NRG2: variants seen among roughly 807,000 people sequenced by gnomAD.
NRG2 encodes the protein neuregulin 2.
Under a neutral mutation model 73.9 loss-of-function variants are expected in NRG2, and 27 were observed. The ratio of observed to expected loss-of-function variants is 0.37; its 90% CI spans 0.27 to 0.50. NRG2 has a LOEUF of 0.50. Ranked by LOEUF, NRG2 falls within the 20% of genes least tolerant of loss-of-function variation. The pLI, the probability that NRG2 is intolerant of heterozygous loss-of-function variation, is 0.96. For missense variants in NRG2, 1,126 were observed against 1,210.1 expected (o/e 0.93, Z 1.03); for synonymous variants, 532 against 541.0 (o/e 0.98, Z 0.23).
At chr5:140,002,388 C>T (rs1758557888) in intron 1 of NRG2, among the ~76,000 whole-genome samples, 1 of 151,938 alleles carries the variant, frequency 6.6e-6, no homozygotes, top group Non-Finnish European at 1.5e-5. Flanking sequence ...TATGGGGTTG[C>T]AATTTTAGAT....
At chr5:140,019,935 G>T (rs959023452) in intron 1 of NRG2, among the ~76,000 whole-genome samples, 1 of 152,110 alleles carries the variant, frequency 6.6e-6, no homozygotes, top group Non-Finnish European at 1.5e-5. Context: ...GCATTTTTTA[G>T]TAGAGACAGG....
chr5:139,853,411 C>T lies in NRG2; in HGVS notation c.1293-384G>A, dbSNP rs533283111. 7.9e-5 allele frequency among the ~76,000 whole-genome samples: 12 copies of T among 152,270 alleles called. No individual in the cohort carries two copies. The East Asian group carries it at 2.3e-3, about 29-fold the overall frequency. On this transcript the variant is annotated intron_variant, in intron 6 of 9. Coordinates refer to ENST00000361474, the MANE Select transcript of NRG2 (RefSeq NM_004883.3). The surrounding 1 kb of genome is among the most constrained non-coding windows in gnomAD (Gnocchi z 4.1). ...CACAGTGCTGACTCCCTCTCTCTCT[C>T]CCTCATTCATTAATTTGGTATGTAT...
rs947701574 is a variant in NRG2 at position 139,851,644 on chromosome 5, C to T, written c.1732G>A (p.Asp578Asn). Reference sequence around the variant, plus strand: ...GAGTCGCGAAGGGAGTCCACGGAATCGTGATAGGGTGGCGCGGTGGCCCTG... The same window carrying T: ...GAGTCGCGAAGGGAGTCCACGGAATTGTGATAGGGTGGCGCGGTGGCCCTG... Reference protein sequence around the residue: ...RRRATAPPYHDSVDSLRDSPH... With the variant: ...RRRATAPPYHNSVDSLRDSPH... The change falls in exon 9 of 10, where the codon GAT becomes AAT. Residue 578 changes from aspartate to asparagine, a missense_variant. Coordinates refer to ENST00000361474, the MANE Select transcript of NRG2 (RefSeq NM_004883.3). This position sits in a 1 kb window ranked among gnomAD's most constrained non-coding sequence, Gnocchi z 4.2. The T allele has an allele frequency of 5.0e-6, 8 of 1,614,090 alleles. No individual in the cohort carries two copies. The highest frequency in any genetic ancestry group is 4.0e-5 in the African/African-American group (3 of 75,062).
At chr5:140,018,531 T>C (rs968925664) in intron 1 of NRG2, among the ~76,000 whole-genome samples, 1 of 152,168 alleles carries the variant, frequency 6.6e-6, no homozygotes, top group African/African-American at 2.4e-5. Flanking sequence ...ACCTAACTGA[T>C]AGCTTCCAAA....
intron 1 of NRG2, among the ~76,000 whole-genome samples, chr5:140,019,938 G>C (rs1461839564): frequency 6.6e-6 from 1 of 152,092 alleles, no homozygotes; most frequent in African/African-American, 2.4e-5. Flanking sequence ...TTTTTTAGTA[G>C]AGACAGGGTT....
chr5:139,862,031 A>G (rs1347568489), intron 5 of NRG2, among the ~76,000 whole-genome samples: 1 of 152,206 alleles, frequency 6.6e-6, no homozygotes, highest in Non-Finnish European at 1.5e-5. Flanking sequence ...ATTAGGAGGC[A>G]GAAGGGAGAC....
At chr5:139,893,867 A>T (rs1401205948) in intron 1 of NRG2, among the ~76,000 whole-genome samples, 4 of 151,872 alleles carry the variant, frequency 2.6e-5, no homozygotes, top group Non-Finnish European at 5.9e-5. Context: ...ACTTTAGGAC[A>T]CCTCCCCATG....
At chr5:139,924,264 C>T (rs1000957481) in intron 1 of NRG2, among the ~76,000 whole-genome samples, 3 of 152,232 alleles carry the variant, frequency 2.0e-5, no homozygotes, top group Non-Finnish European at 4.4e-5. Context: ...CAGAACTGAA[C>T]TCTCTCACAA....
intron 1 of NRG2, among the ~76,000 whole-genome samples, chr5:139,960,428 T>C (rs532096809): frequency 6.6e-6 from 1 of 152,146 alleles, no homozygotes; most frequent in South Asian, 2.1e-4. Context: ...GGCAGGAGAA[T>C]CGCTGAAACC....
chr5:139,985,894 G>C (rs373065027), intron 1 of NRG2, among the ~76,000 whole-genome samples: 1 of 152,154 alleles, frequency 6.6e-6, no homozygotes, highest in Admixed American at 6.5e-5. Context: ...ACTGGGAGGA[G>C]AGGGGAAGTG....
In NRG2 at chr5:139,851,897, C is replaced by T. The variant is rs1561622830; in HGVS notation, c.1545-66G>A. The T allele has an allele frequency of 1.7e-5, 24 of 1,376,336 alleles. No individual in the cohort carries two copies. The South Asian group carries it at 1.8e-4, about 11-fold the overall frequency. 85.3% of individuals were successfully genotyped at this position (1,376,336 alleles called of 1,614,324 possible). A position where few individuals can be genotyped will look rare whatever the true frequency, so the allele number is the denominator to read the frequency against. On this transcript the variant is annotated intron_variant, in intron 8 of 9. Coordinates refer to ENST00000361474, the MANE Select transcript of NRG2 (RefSeq NM_004883.3). The surrounding 1 kb of genome is among the most constrained non-coding windows in gnomAD (Gnocchi z 4.2). ...GGCAGGGCGGCCCAGCAGGTGTGGT[C>T]CCATGGACCTCCCTGGCTCTTCTTC... is the stretch of plus-strand genomic sequence containing the variant.
chr5:139,994,709 G>A (rs539535058), intron 1 of NRG2, among the ~76,000 whole-genome samples: 4 of 152,184 alleles, frequency 2.6e-5, no homozygotes, highest in Non-Finnish European at 5.9e-5. Flanking sequence ...AGTGCTAAAA[G>A]AGTTGAGCTC....
At chr5:139,918,233 A>T (rs1751412245) in intron 1 of NRG2, among the ~76,000 whole-genome samples, 1 of 152,196 alleles carries the variant, frequency 6.6e-6, no homozygotes, top group Non-Finnish European at 1.5e-5. Flanking sequence ...CTAGGCTCGG[A>T]TAGAACTAGT....
chr5:139,927,883 C>T (rs1752183594), intron 1 of NRG2, among the ~76,000 whole-genome samples: 1 of 151,956 alleles, frequency 6.6e-6, no homozygotes, highest in Non-Finnish European at 1.5e-5. Flanking sequence ...AGGATTATTT[C>T]ACTGGCTTTG....
intron 1 of NRG2, among the ~76,000 whole-genome samples, chr5:139,916,312 A>C (rs73271462): frequency 0.038 from 5,785 of 152,300 alleles, 398 homozygotes; most frequent in African/African-American, 0.13. Context: ...TCCAGTCCTC[A>C]CTGCTCAACT....
rs1217450956 is a variant in NRG2 at position 139,961,990 on chromosome 5, G to A, written c.701-74479C>T. Among the ~76,000 whole-genome samples, 4 of 152,154 alleles carry A rather than the reference G, an allele frequency of 2.6e-5. No homozygotes were observed. In the East Asian group the frequency reaches 7.7e-4, roughly 29 times the overall value. ...GTGTCTCCTCTCCACTGAGGCTCTT[G>A]CTTTCCTGACCAGCACAGAGAGCTG... is the stretch of plus-strand genomic sequence containing the variant. On this transcript the variant is annotated intron_variant, in intron 1 of 9. Transcript: ENST00000361474.
intron 1 of NRG2, among the ~76,000 whole-genome samples, chr5:139,923,743 A>G (rs1009756952): frequency 2.6e-5 from 4 of 152,132 alleles, no homozygotes; most frequent in African/African-American, 4.8e-5. Flanking sequence ...TTTAATTCAT[A>G]AGGCCTGACA....
At position 139,904,060 on chromosome 5, in the gene NRG2, C is replaced by A. The variant is rs1283195264; in HGVS notation, c.701-16549G>T. Among the ~76,000 whole-genome samples the A allele has an allele frequency of 1.3e-5, 2 of 152,200 alleles. No individual in the cohort carries two copies. Among genetic ancestry groups the A allele is most frequent in the Admixed American group, 1.3e-4 (2 of 15,284 alleles). ...ACCGGCGTGCAGCGCCTCTTGCCCG[C>A]CCCTGCGTGGGGACGCGGCCGCCCG... On this transcript the variant is annotated intron_variant, in intron 1 of 9. Transcript: ENST00000361474. The surrounding 1 kb of genome is among the most constrained non-coding windows in gnomAD (Gnocchi z 6.0).
At chr5:139,901,386 A>G (rs2127169116) in intron 1 of NRG2, among the ~76,000 whole-genome samples, 1 of 152,274 alleles carries the variant, frequency 6.6e-6, no homozygotes, top group African/African-American at 2.4e-5. Context: ...TGGCAGGAGG[A>G]CAGCTCAAGG....
Sources: allele counts gnomAD v4.1 joint callset (sites outside exome capture counted in the v4.1 genomes callset), GRCh38; gene constraint gnomAD v4.1.1; non-coding constraint Gnocchi (gnomAD v3.1); transcripts MANE v1.5; gene names NCBI Gene and HGNC (gene_info 2026-07-23, HGNC 2026-07-21).